The following CSNK1A1 variants were observed in gnomAD, a reference collection of about 807,000 sequenced individuals.
CSNK1A1 encodes casein kinase 1 alpha 1.
In CSNK1A1, 7 loss-of-function variants were observed where a neutral mutation model predicts 46.1. The observed-to-expected ratio is 0.15, with a 90% confidence interval of 0.09 to 0.29. The LOEUF is 0.29. Among genes scored for constraint, CSNK1A1 ranks in the 10% least tolerant of loss-of-function variants. The probability of loss-of-function intolerance (pLI) is 1.00; values close to 1 mark genes in which losing one functional copy is unlikely to be tolerated. For missense variants in CSNK1A1, 96 were observed against 417.1 expected (o/e 0.23, Z 6.71); for synonymous variants, 137 against 141.5 (o/e 0.97, Z 0.23).
In CSNK1A1 at chr5:149,494,318, AG is replaced by A. The variant is rs1561746443; in HGVS notation, c.*2534del. The A allele has an allele frequency of 6.6e-6, 1 of 152,180 alleles. No individual in the cohort carries two copies. 9.4% of individuals were successfully genotyped at this position (152,180 alleles called of 1,614,324 possible). On this transcript the variant is annotated 3_prime_UTR_variant, in exon 10 of 10. Coordinates refer to ENST00000377843, the MANE Select transcript of CSNK1A1 (RefSeq NM_001892.6). ...AAGAGGATAAGCACAACCATATGGGAGGAGATAACCAGTCTCTCCCTTCATA... is the reference window on the plus strand; with the variant it reads ...AAGAGGATAAGCACAACCATATGGGAGAGATAACCAGTCTCTCCCTTCATA...
At chr5:149,537,656 C>G (rs1762101339) in intron 2 of CSNK1A1, among the ~76,000 whole-genome samples, 1 of 151,162 alleles carries the variant, frequency 6.6e-6, no homozygotes, top group African/African-American at 2.5e-5. Flanking sequence ...AAACAAAAAT[C>G]TGATGGTAGA....
chr5:149,540,491 A>G (rs1762194845), intron 2 of CSNK1A1, among the ~76,000 whole-genome samples: 2 of 152,174 alleles, frequency 1.3e-5, no homozygotes, highest in South Asian at 4.1e-4. Context: ...CACCTGCAAC[A>G]CAACCACCAT....
intron 4 of CSNK1A1, among the ~76,000 whole-genome samples, chr5:149,518,806 G>C (rs565953091): frequency 2.0e-5 from 3 of 152,014 alleles, no homozygotes; most frequent in East Asian, 3.9e-4. Context: ...TGTGGGGGAG[G>C]GGGGGAAGGC....
At chr5:149,511,978 C>A in intron 5 of CSNK1A1, 106 bp from the exon 6 acceptor site, 1 of 808,708 alleles carries the variant, frequency 1.2e-6, no homozygotes, top group South Asian at 1.8e-5. Flanking sequence ...GGAGGGAACA[C>A]TATTTGGTGT....
chr5:149,518,906 TG>T (rs1022420966), intron 4 of CSNK1A1, among the ~76,000 whole-genome samples: 3 of 152,020 alleles, frequency 2.0e-5, no homozygotes, highest in African/African-American at 7.3e-5. Flanking sequence ...ATGGTGATAA[TG>T]GGTTTTTAGG....
Position 149,545,637 on chromosome 5 carries a change from C to G in CSNK1A1, c.230+4438G>C, listed in dbSNP as rs575863048. The G allele has an allele frequency of 4.8e-5, 43 of 900,070 alleles. No homozygotes were observed. In the African/African-American group the frequency reaches 6.4e-4, roughly 13 times the overall value. 55.8% of individuals were successfully genotyped at this position (900,070 alleles called of 1,614,324 possible). On this transcript the variant is annotated intron_variant, in intron 2 of 9. Coordinates refer to ENST00000377843, the MANE Select transcript of CSNK1A1 (RefSeq NM_001892.6). ...TGGGCTTTACGAGGGCCCTGCTAGC[C>G]TCAGCAAGTGCACTCATTGCCTTGG...
Position 149,530,077 on chromosome 5 carries a change from C to T in CSNK1A1, c.231-4906G>A, listed in dbSNP as rs112891244. Among the ~76,000 whole-genome samples, 151 of 151,892 alleles carry T rather than the reference C, an allele frequency of 9.9e-4. 2 individuals are homozygous for T. The highest frequency in any genetic ancestry group is 3.4e-3 in the African/African-American group (141 of 41,394). On this transcript the variant is annotated intron_variant, in intron 2 of 9. Transcript: ENST00000377843. ...TATATGTTAGTTCCATCACCATGAC[C>T]AGGACAAAATAACAGTAAAAAAAAA... is the stretch of plus-strand genomic sequence containing the variant.
At chr5:149,521,712 G>A (rs1761577097) in intron 3 of CSNK1A1, among the ~76,000 whole-genome samples, 1 of 151,890 alleles carries the variant, frequency 6.6e-6, no homozygotes. Context: ...TGCCTCCTGG[G>A]TTCAAGCGAT....
intron 9 of CSNK1A1, chr5:149,497,860 G>A: frequency 1.0e-6 from 1 of 978,182 alleles, no homozygotes; most frequent in South Asian, 4.7e-5. Flanking sequence ...TTTGGAGACA[G>A]TCTCGCTCTG....
intron 2 of CSNK1A1, among the ~76,000 whole-genome samples, chr5:149,527,279 C>T (rs887053916): frequency 9.2e-5 from 14 of 152,092 alleles, no homozygotes; most frequent in African/African-American, 3.4e-4. Flanking sequence ...AGGCGCCTGC[C>T]ACCACGCCCA....
Position 149,514,702 on chromosome 5 carries a change from C to T in CSNK1A1, c.457-1493G>A, listed in dbSNP as rs530079867. Among the ~76,000 whole-genome samples the T allele has an allele frequency of 3.3e-5, 5 of 152,298 alleles. No individual in the cohort carries two copies. In the East Asian group the frequency reaches 9.6e-4, roughly 29 times the overall value. Reference sequence around the variant, plus strand: ...TTATAAAGATCTGACCAGTACCTCTCCTAGGAGCATGAGTAACATCTATTT... The same window carrying T: ...TTATAAAGATCTGACCAGTACCTCTTCTAGGAGCATGAGTAACATCTATTT... On this transcript the variant is annotated intron_variant, in intron 4 of 9. Coordinates refer to ENST00000377843, the MANE Select transcript of CSNK1A1 (RefSeq NM_001892.6).
At position 149,504,954 on chromosome 5, in the gene CSNK1A1, C is replaced by T. The variant is rs146622138; in HGVS notation, c.1006+493G>A. On this transcript the variant is annotated intron_variant, in intron 9 of 9. Transcript: ENST00000377843. ...ATGCCAAACTCACCTCTTGAAATTA[C>T]AACATGTTCACAATTTTCCATTTTA... The T allele has an allele frequency of 6.3e-4, 619 of 985,568 alleles. 5 individuals are homozygous for T. In the African/African-American group the frequency reaches 0.01, roughly 16 times the overall value. 61.1% of individuals were successfully genotyped at this position (985,568 alleles called of 1,614,324 possible).
At position 149,513,016 on chromosome 5, in the gene CSNK1A1, C is replaced by T. The variant is rs1017733048; in HGVS notation, c.596+54G>A. 7 of 1,595,822 alleles carry T rather than the reference C, an allele frequency of 4.4e-6. No homozygotes were observed. The African/African-American group carries it at 5.4e-5, about 12-fold the overall frequency. ...TAAGAAACTAAAATATTTCAAAAAC[C>T]CATTGATGGCTTCTGCTATGGCTAT... On this transcript the variant is annotated intron_variant, in intron 5 of 9. Transcript: ENST00000377843.
chr5:149,526,446 T>C (rs1396261595), intron 2 of CSNK1A1, among the ~76,000 whole-genome samples: 1 of 152,174 alleles, frequency 6.6e-6, no homozygotes, highest in East Asian at 1.9e-4. Context: ...GGATTACAAG[T>C]TGAACCACTG....
Position 149,509,967 on chromosome 5 carries a change from T to A in CSNK1A1, c.676-14A>T, listed in dbSNP as rs1209168246. On this transcript the variant is annotated splice_polypyrimidine_tract_variant and intron_variant, in intron 6 of 9. Coordinates refer to ENST00000377843, the MANE Select transcript of CSNK1A1 (RefSeq NM_001892.6). Reference sequence around the variant, plus strand: ...CTTTGTTGCAGCCTGTGGAAAAGAATAAAATAAAAAAGATATACTCAGTGC... The same window carrying A: ...CTTTGTTGCAGCCTGTGGAAAAGAAAAAAATAAAAAAGATATACTCAGTGC... 6.4e-7 allele frequency: 1 copy of A among 1,571,862 alleles called. No homozygotes were observed. The highest frequency in any genetic ancestry group is 8.7e-7 in the Non-Finnish European group (1 of 1,150,634).
At chr5:149,510,010 G>T in intron 6 of CSNK1A1, 57 bp from the exon 7 acceptor site, 1 of 1,186,324 alleles carries the variant, frequency 8.4e-7, no homozygotes. Context: ...AAGAACCATG[G>T]TAGTTTAACG....
chr5:149,525,189 G>A lies in CSNK1A1; in HGVS notation c.231-18C>T. Reference sequence around the variant, plus strand: ...CATACCACCTAACGAAACAAAAGGAGAAGAGAGGATATTACAAAAAGCTAT... The same window carrying A: ...CATACCACCTAACGAAACAAAAGGAAAAGAGAGGATATTACAAAAAGCTAT... On this transcript the variant is annotated intron_variant, in intron 2 of 9. Coordinates refer to ENST00000377843, the MANE Select transcript of CSNK1A1 (RefSeq NM_001892.6). The surrounding 1 kb of genome is among the most constrained non-coding windows in gnomAD (Gnocchi z 4.2). The A allele has an allele frequency of 6.3e-7, 1 of 1,584,854 alleles. No individual in the cohort carries two copies. Among genetic ancestry groups the A allele is most frequent in the South Asian group, 1.2e-5 (1 of 85,852 alleles).
At position 149,517,418 on chromosome 5, in the gene CSNK1A1, A is replaced by G. The variant is rs1417776771; in HGVS notation, c.456+2872T>C. ...GCACTAATGAACTGAATTTAAATAT[A>G]TTTCGTGCATTAAGTTGTGTAACTC... On this transcript the variant is annotated intron_variant, in intron 4 of 9. Coordinates refer to ENST00000377843, the MANE Select transcript of CSNK1A1 (RefSeq NM_001892.6). This position sits in a 1 kb window ranked among gnomAD's most constrained non-coding sequence, Gnocchi z 4.4. Among the ~76,000 whole-genome samples, 1 of 152,204 alleles carries G rather than the reference A, an allele frequency of 6.6e-6. No homozygotes were observed. The highest frequency in any genetic ancestry group is 1.5e-5 in the Non-Finnish European group (1 of 68,032).
chr5:149,508,923 T>C (rs1022828341), intron 7 of CSNK1A1, among the ~76,000 whole-genome samples: 3 of 152,160 alleles, frequency 2.0e-5, no homozygotes, highest in Admixed American at 2.0e-4. Context: ...TTTTTTATTA[T>C]TTTACTTATT....
Sources: gnomAD v4.1 joint callset for allele counts (sites outside exome capture counted in the v4.1 genomes callset) on GRCh38, gnomAD v4.1.1 for gene constraint, Gnocchi (gnomAD v3.1) non-coding constraint, MANE v1.5 for transcripts, NCBI Gene and HGNC (gene_info 2026-07-23, HGNC 2026-07-21) for gene names.